The following BMP6 variants were observed in gnomAD, a reference collection of about 807,000 sequenced individuals.
The protein encoded by BMP6 is VG-1-R.
Under a neutral mutation model 54.1 loss-of-function variants are expected in BMP6, and 17 were observed. That is an observed-to-expected ratio of 0.31 (90% CI 0.22 to 0.47). The LOEUF (loss-of-function observed/expected upper bound fraction) is 0.47. Ranked by LOEUF, BMP6 falls within the 20% of genes least tolerant of loss-of-function variation. The pLI is 1.00. For missense variants in BMP6, 720 were observed against 690.4 expected, an observed-to-expected ratio of 1.04 and a Z score of -0.48; for synonymous variants, 328 against 291.2, an observed-to-expected ratio of 1.13 and a Z score of -1.28.
At chr6:7,797,873 TATCTG>T (rs1758214340) in intron 1 of BMP6, among the ~76,000 whole-genome samples, 1 of 152,250 alleles carries the variant, frequency 6.6e-6, no homozygotes, top group Non-Finnish European at 1.5e-5. Context: ...TAAACAATCT[TATCTG>T]GTAATTTGTT....
At chr6:7,861,967 A>G (rs1267746523) in intron 3 of BMP6, among the ~76,000 whole-genome samples, 1 of 152,320 alleles carries the variant, frequency 6.6e-6, no homozygotes, top group East Asian at 1.9e-4. Context: ...CTCCTCCTGC[A>G]GCATCAGAGC....
chr6:7,779,432 A>G (rs1280682862), intron 1 of BMP6, among the ~76,000 whole-genome samples: 1 of 151,954 alleles, frequency 6.6e-6, no homozygotes, highest in Non-Finnish European at 1.5e-5. Flanking sequence ...TCCACCTCCC[A>G]GGTTCAAGTG....
intron 1 of BMP6, among the ~76,000 whole-genome samples, chr6:7,784,947 AGGAAGG>A (rs1322489629): frequency 6.6e-6 from 1 of 152,212 alleles, no homozygotes; most frequent in Non-Finnish European, 1.5e-5. Context: ...TTTTCACTCC[AGGAAGG>A]GGAAGCCCCT....
chr6:7,831,782 C>T (rs1758797717), intron 1 of BMP6, among the ~76,000 whole-genome samples: 1 of 152,190 alleles, frequency 6.6e-6, no homozygotes, highest in African/African-American at 2.4e-5. Flanking sequence ...CTGTTTGCAT[C>T]TTGGAGAACT....
chr6:7,791,744 G>A (rs1234033812), intron 1 of BMP6, among the ~76,000 whole-genome samples: 1 of 152,120 alleles, frequency 6.6e-6, no homozygotes, highest in Non-Finnish European at 1.5e-5. Flanking sequence ...ACGTTGCCAT[G>A]TACTCAGCTT....
At position 7,727,110 on chromosome 6, in the gene BMP6, G is replaced by T. The variant is rs1472644290; in HGVS notation, c.155G>T (p.Arg52Leu). The T allele has an allele frequency of 2.8e-6, 4 of 1,448,988 alleles. No homozygotes were observed. The highest frequency in any genetic ancestry group is 2.7e-6 in the Non-Finnish European group (3 of 1,098,778). The allele number at this position is 1,448,988 out of a possible 1,614,324, so 89.8% of individuals were successfully genotyped here. ...QLLGDGGSPG[R>L]TEQPPPSPQS... ...CTGGGGGACGGCGGGAGCCCCGGCC[G>T]CACGGAGCAGCCGCCGCCGTCGCCG... The change falls in exon 1 of 7, where the codon CGC becomes CTC. Residue 52 changes from arginine (R) to leucine (L), a missense_variant. Coordinates refer to ENST00000283147, the MANE Select transcript of BMP6 (RefSeq NM_001718.6).
chr6:7,780,709 GTTATTA>G (rs10665058), intron 1 of BMP6, among the ~76,000 whole-genome samples: 1 of 151,128 alleles, frequency 6.6e-6, no homozygotes, highest in Non-Finnish European at 1.5e-5. Flanking sequence ...TTATTTTATT[GTTATTA>G]TTATCATTAT....
At chr6:7,879,887 G>A in intron 5 of BMP6, 104 bp from the exon 6 acceptor site, 1 of 1,161,950 alleles carries the variant, frequency 8.6e-7, no homozygotes, top group Non-Finnish European at 1.3e-6. Context: ...CTGTATCCTT[G>A]CCTGTGCAAT....
At chr6:7,830,111 T>A (rs762537101) in intron 1 of BMP6, among the ~76,000 whole-genome samples, 63 of 152,140 alleles carry the variant, frequency 4.1e-4, no homozygotes, top group Non-Finnish European at 1.6e-4. Context: ...GCTCATCACT[T>A]TTCAACTTTT....
chr6:7,784,015 C>G (rs1202182688), intron 1 of BMP6, among the ~76,000 whole-genome samples: 1 of 152,092 alleles, frequency 6.6e-6, no homozygotes, highest in African/African-American at 2.4e-5. Context: ...GCCGATTTCC[C>G]CAACATGCTT....
intron 1 of BMP6, among the ~76,000 whole-genome samples, chr6:7,791,863 G>A (rs1398900929): frequency 1.3e-5 from 2 of 152,068 alleles, no homozygotes; most frequent in African/African-American, 2.4e-5. Flanking sequence ...TTTTATATCC[G>A]TCTACTTATT....
chr6:7,758,727 G>T (rs536660216), intron 1 of BMP6, among the ~76,000 whole-genome samples: 5 of 152,186 alleles, frequency 3.3e-5, no homozygotes, highest in Non-Finnish European at 4.4e-5. Flanking sequence ...CTTGGGTCCG[G>T]CTGTGCCTCG....
chr6:7,766,301 C>T (rs936330848), intron 1 of BMP6, among the ~76,000 whole-genome samples: 5 of 152,116 alleles, frequency 3.3e-5, no homozygotes, highest in African/African-American at 9.7e-5. Context: ...TAATAATGAG[C>T]TAAATAAAGT....
At chr6:7,822,679 C>G (rs1008167289) in intron 1 of BMP6, among the ~76,000 whole-genome samples, 1 of 152,198 alleles carries the variant, frequency 6.6e-6, no homozygotes, top group South Asian at 2.1e-4. Context: ...TTCTCACTAC[C>G]TTTTAGATTC....
At chr6:7,743,588 T>C (rs1461699438) in intron 1 of BMP6, among the ~76,000 whole-genome samples, 1 of 152,178 alleles carries the variant, frequency 6.6e-6, no homozygotes, top group East Asian at 1.9e-4. Context: ...TCTCCCTCCC[T>C]CTCTCATTGA....
intron 4 of BMP6, among the ~76,000 whole-genome samples, chr6:7,869,075 C>G (rs900860478): frequency 6.6e-5 from 10 of 152,374 alleles, no homozygotes; most frequent in East Asian, 3.9e-4. Flanking sequence ...AGGCGCACCC[C>G]CCCTGGGAGC....
chr6:7,808,440 A>G (rs1215808831), intron 1 of BMP6, among the ~76,000 whole-genome samples: 2 of 152,096 alleles, frequency 1.3e-5, no homozygotes, highest in East Asian at 1.9e-4. Context: ...AACAAAACCA[A>G]TCGCCTGACA....
Position 7,823,746 on chromosome 6 carries a change from G to A in BMP6, c.665-21394G>A, listed in dbSNP as rs78846680. On this transcript the variant is annotated intron_variant, in intron 1 of 6. Coordinates refer to ENST00000283147, the MANE Select transcript of BMP6 (RefSeq NM_001718.6). ...CACTGAGGAAATAGCATGTGCAAAG[G>A]TCCTGTGGCAGGAGACTGGCTGGGG... Among the ~76,000 whole-genome samples, 7 of 152,294 alleles carry A rather than the reference G, an allele frequency of 4.6e-5. No homozygotes were observed. In the East Asian group the frequency reaches 1.4e-3, roughly 29 times the overall value.
rs78611082 is a variant in BMP6 at position 7,769,662 on chromosome 6, G to A, written c.664+42043G>A. ...GCCTTAGGGTTTTGGAATTTCAGGG[G>A]GAAGAAACAATTTAGAAAAACAATT... is the stretch of plus-strand genomic sequence containing the variant. On this transcript the variant is annotated intron_variant, in intron 1 of 6. Transcript: ENST00000283147. 9.2e-5 allele frequency among the ~76,000 whole-genome samples: 14 copies of A among 152,162 alleles called. No individual in the cohort carries two copies. In the East Asian group the frequency reaches 2.5e-3, roughly 27 times the overall value.
Sources: gnomAD v4.1 joint callset for allele counts (sites outside exome capture counted in the v4.1 genomes callset) on GRCh38, gnomAD v4.1.1 for gene constraint, MANE v1.5 for transcripts, NCBI Gene and HGNC (gene_info 2026-07-23, HGNC 2026-07-21) for gene names.